NSD3: variants seen among roughly 807,000 people sequenced by gnomAD.
NSD3 encodes the protein nuclear receptor binding SET domain protein 3, also known as histone-lysine N-methyltransferase NSD3.
Under a neutral mutation model 160.8 loss-of-function variants are expected in NSD3, and 24 were observed. That is an observed-to-expected ratio of 0.15 (90% CI 0.11 to 0.21). NSD3 has a LOEUF of 0.21. NSD3 is among the 10% of genes least tolerant of loss of function. The pLI, the probability that NSD3 is intolerant of heterozygous loss-of-function variation, is 1.00. For missense variants in NSD3, 1,157 were observed against 1,735.9 expected, an observed-to-expected ratio of 0.67 and a Z score of 5.93; for synonymous variants, 520 against 600.0, an observed-to-expected ratio of 0.87 and a Z score of 1.95.
chr8:38,332,854 T>C (rs1810100310), intron 4 of NSD3, among the ~76,000 whole-genome samples: 2 of 152,288 alleles, frequency 1.3e-5, no homozygotes, highest in South Asian at 4.1e-4. Flanking sequence ...TGAAAAATAC[T>C]GTTCTAGAGA....
intron 2 of NSD3, among the ~76,000 whole-genome samples, chr8:38,344,051 C>T (rs1452881952): frequency 2.0e-5 from 3 of 152,180 alleles, no homozygotes; most frequent in Non-Finnish European, 4.4e-5. Context: ...GGAGGAAAAA[C>T]AGCTCATGCA....
intron 1 of NSD3, among the ~76,000 whole-genome samples, chr8:38,365,916 T>C (rs569521231): frequency 6.6e-6 from 1 of 152,232 alleles, no homozygotes; most frequent in East Asian, 1.9e-4. Flanking sequence ...AAATTACGGT[T>C]TACTCAAGTA....
At chr8:38,336,897 T>C (rs971642772) in intron 4 of NSD3, among the ~76,000 whole-genome samples, 1 of 152,176 alleles carries the variant, frequency 6.6e-6, no homozygotes, top group Admixed American at 6.5e-5. Flanking sequence ...ATCCTACCAC[T>C]TTGGGAGGCC....
intron 7 of NSD3, among the ~76,000 whole-genome samples, chr8:38,322,338 TG>T: frequency 6.6e-6 from 1 of 152,172 alleles, no homozygotes; most frequent in Non-Finnish European, 1.5e-5. Context: ...ATAAAGGTAT[TG>T]GCTCCTTTCT....
chr8:38,352,160 G>C (rs1810719192), intron 1 of NSD3, among the ~76,000 whole-genome samples: 1 of 152,092 alleles, frequency 6.6e-6, no homozygotes, highest in Non-Finnish European at 1.5e-5. Context: ...AGGATCTGCT[G>C]TAATAATAAA....
chr8:38,308,509 A>G (rs1809458475), intron 12 of NSD3, among the ~76,000 whole-genome samples: 1 of 152,158 alleles, frequency 6.6e-6, no homozygotes, highest in African/African-American at 2.4e-5. Flanking sequence ...TAAATAAACT[A>G]CTCTCTGTAA....
intron 19 of NSD3, among the ~76,000 whole-genome samples, chr8:38,286,995 T>C (rs1385148622): frequency 2.0e-5 from 3 of 152,224 alleles, no homozygotes; most frequent in East Asian, 1.9e-4. Context: ...ACATGTTTAC[T>C]ATCTGTCTCC....
chr8:38,349,470 C>T (rs1810616767), intron 1 of NSD3, among the ~76,000 whole-genome samples: 1 of 151,674 alleles, frequency 6.6e-6, no homozygotes, highest in Non-Finnish European at 1.5e-5. Flanking sequence ...AGGCATGAGT[C>T]ACCACGCCTG....
chr8:38,360,609 C>T (rs925677305), intron 1 of NSD3, among the ~76,000 whole-genome samples: 1 of 152,158 alleles, frequency 6.6e-6, no homozygotes. Context: ...AAAGGGCTTA[C>T]AGCATTTTAG....
chr8:38,317,826 A>G lies in NSD3; in HGVS notation c.1855+1069T>C, dbSNP rs2131023597. 6.7e-7 allele frequency: 1 copy of G among 1,486,076 alleles called. No homozygotes were observed. The highest frequency in any genetic ancestry group is 2.4e-5 in the East Asian group (1 of 41,564). The allele number at this position is 1,486,076 out of a possible 1,614,324, so 92.1% of individuals were successfully genotyped here. On this transcript the variant is annotated intron_variant, in intron 9 of 23. Coordinates refer to ENST00000317025, the MANE Select transcript of NSD3 (RefSeq NM_023034.2). The surrounding 1 kb of genome is among the most constrained non-coding windows in gnomAD (Gnocchi z 5.3). ...AGTCTTGAAGAAGAAACCAGGCAGG[A>G]AAATGCCAATAATGATGATTGGCGA...
chr8:38,297,494 C>T (rs960983603), intron 15 of NSD3, among the ~76,000 whole-genome samples: 1 of 151,986 alleles, frequency 6.6e-6, no homozygotes. Flanking sequence ...GGGTAAGAGC[C>T]CTCTATGCAA....
chr8:38,348,500 T>G (rs1563364143), intron 1 of NSD3, among the ~76,000 whole-genome samples: 2 of 152,186 alleles, frequency 1.3e-5, no homozygotes, highest in Non-Finnish European at 2.9e-5. Flanking sequence ...TTGACATTCC[T>G]TTTTATTTCC....
At chr8:38,333,246 G>A (rs1365064991) in intron 4 of NSD3, among the ~76,000 whole-genome samples, 2 of 152,252 alleles carry the variant, frequency 1.3e-5, no homozygotes, top group Non-Finnish European at 2.9e-5. Flanking sequence ...ATTTTAATCT[G>A]TATTTTCAAC....
intron 12 of NSD3, among the ~76,000 whole-genome samples, chr8:38,307,114 C>CAAAA (rs1194554014): frequency 1.1e-4 from 7 of 64,166 alleles, no homozygotes; most frequent in Non-Finnish European, 2.0e-4. Context: ...GATACCGTCT[C>CAAAA]AAAAAAAAAA....
chr8:38,295,079 G>A (rs1809100455), intron 16 of NSD3, among the ~76,000 whole-genome samples: 1 of 146,556 alleles, frequency 6.8e-6, no homozygotes, highest in African/African-American at 2.5e-5. Context: ...GGGAGCCGGA[G>A]CTTGCAGTGA....
rs1179343128 is a variant in NSD3, at chr8:38,321,407, AG to A, written c.1709-236del. ...AAAGGGTCCTAAATTATACAAATAAAGGGGGATTGGTTTTTTAAAAATTGAA... is the reference window on the plus strand; with the variant it reads ...AAAGGGTCCTAAATTATACAAATAAAGGGGATTGGTTTTTTAAAAATTGAA... On this transcript the variant is annotated intron_variant, in intron 7 of 23. Transcript: ENST00000317025. The surrounding 1 kb of genome is among the most constrained non-coding windows in gnomAD (Gnocchi z 4.7). Among the ~76,000 whole-genome samples the A allele has an allele frequency of 6.6e-6, 1 of 152,206 alleles. No homozygotes were observed. Among genetic ancestry groups the A allele is most frequent in the Non-Finnish European group, 1.5e-5 (1 of 68,018 alleles).
At chr8:38,284,748 ACTT>A (rs568436820) in intron 19 of NSD3, among the ~76,000 whole-genome samples, 153 of 152,350 alleles carry the variant, frequency 1.0e-3, no homozygotes, top group Non-Finnish European at 1.9e-3. Flanking sequence ...CAGCTCTACT[ACTT>A]CTTTTTTCAC....
At position 38,337,339 on chromosome 8, in the gene NSD3, G is replaced by A. The variant is rs1810247180; in HGVS notation, c.876C>T (p.Pro292=). ...TAATTTTAGTATGAACCTCAAGCTGGGGATCACTTGAAACCATACAAGGCC... is the reference window on the plus strand; with the variant it reads ...TAATTTTAGTATGAACCTCAAGCTGAGGATCACTTGAAACCATACAAGGCC... ...PWWPCMVSSD[P]QLEVHTKINT... Residue 292 remains proline, a synonymous_variant, in exon 4 of 24, where the codon CCC becomes CCT. Coordinates refer to ENST00000317025, the MANE Select transcript of NSD3 (RefSeq NM_023034.2). The A allele has an allele frequency of 6.2e-7, 1 of 1,608,340 alleles. No homozygotes were observed. The highest frequency in any genetic ancestry group is 1.3e-5 in the African/African-American group (1 of 74,474).
In NSD3 at chr8:38,321,058, T is replaced by C. The variant is rs1323403653; in HGVS notation, c.1809+14A>G. The C allele has an allele frequency of 1.9e-6, 3 of 1,610,014 alleles. No homozygotes were observed. In the South Asian group the frequency reaches 3.3e-5, roughly 18 times the overall value. On this transcript the variant is annotated intron_variant, in intron 8 of 23. Coordinates refer to ENST00000317025, the MANE Select transcript of NSD3 (RefSeq NM_023034.2). The surrounding 1 kb of genome is among the most constrained non-coding windows in gnomAD (Gnocchi z 4.7). ...AAATACAATGTTTTAACTCTCTACA[T>C]GTAGGAAGCCAACCTGCTCCTTTTT... is the stretch of plus-strand genomic sequence containing the variant.
Sources: gnomAD v4.1 joint callset for allele counts (sites outside exome capture counted in the v4.1 genomes callset) on GRCh38, gnomAD v4.1.1 for gene constraint, Gnocchi (gnomAD v3.1) non-coding constraint, MANE v1.5 for transcripts, NCBI Gene and HGNC (gene_info 2026-07-23, HGNC 2026-07-21) for gene names.